GRID2: variants seen among roughly 807,000 people sequenced by gnomAD.
GRID2 encodes the protein glutamate ionotropic receptor delta type subunit 2, also known as glutamate receptor ionotropic, delta-2.
In GRID2, 33 loss-of-function variants were observed where a neutral mutation model predicts 114.8. That is an observed-to-expected ratio of 0.29 (90% CI 0.22 to 0.38). The LOEUF is 0.38. GRID2 is among the 10% of genes least tolerant of loss of function. The probability of loss-of-function intolerance (pLI) is 1.00; values close to 1 mark genes in which losing one functional copy is unlikely to be tolerated. For missense variants in GRID2, 1,184 were observed against 1,257.7 expected, an observed-to-expected ratio of 0.94 and a Z score of 0.89; for synonymous variants, 505 against 449.9, an observed-to-expected ratio of 1.12 and a Z score of -1.55.
intron 14 of GRID2, among the ~76,000 whole-genome samples, chr4:93,658,638 A>C (rs1020184363): frequency 2.6e-5 from 4 of 152,084 alleles, no homozygotes; most frequent in Non-Finnish European, 4.4e-5. Flanking sequence ...CTCTACTATT[A>C]CCAGTCTCAA....
chr4:93,163,471 C>G (rs1425258734), intron 4 of GRID2, among the ~76,000 whole-genome samples: 1 of 144,160 alleles, frequency 6.9e-6, no homozygotes, highest in African/African-American at 2.6e-5. Flanking sequence ...GCCATCTTGC[C>G]CAGGCTGGTC....
At chr4:93,774,623 C>T (rs1213424752), downstream of GRID2, 1 of 152,150 alleles carries the variant, frequency 6.6e-6, no homozygotes, top group African/African-American at 2.4e-5. Flanking sequence ...ACAGATTGAA[C>T]TAAATTTTTC....
chr4:92,309,415 A>G (rs1725583575), intron 1 of GRID2, among the ~76,000 whole-genome samples: 1 of 151,994 alleles, frequency 6.6e-6, no homozygotes. Context: ...ATTGGTGAGT[A>G]GCAATACTTA....
At chr4:92,378,004 T>A (rs561249713) in intron 1 of GRID2, among the ~76,000 whole-genome samples, 140 of 152,186 alleles carry the variant, frequency 9.2e-4, no homozygotes, top group African/African-American at 3.2e-3. Context: ...ATTAGTTTTT[T>A]TACTTAGATA....
intron 4 of GRID2, among the ~76,000 whole-genome samples, chr4:93,193,460 G>A (rs1321430528): frequency 1.3e-5 from 2 of 152,078 alleles, no homozygotes; most frequent in East Asian, 1.9e-4. Context: ...TTTTATAGGG[G>A]CTTTTGCCCC....
At chr4:92,841,057 T>C (rs1011263585) in intron 2 of GRID2, among the ~76,000 whole-genome samples, 4 of 152,020 alleles carry the variant, frequency 2.6e-5, no homozygotes, top group Non-Finnish European at 5.9e-5. Flanking sequence ...ATTTAGGATA[T>C]GGATGGTTTA....
At chr4:92,609,637 A>G (rs1729627936) in intron 2 of GRID2, among the ~76,000 whole-genome samples, 1 of 149,672 alleles carries the variant, frequency 6.7e-6, no homozygotes, top group African/African-American at 2.4e-5. Flanking sequence ...ATATATATAT[A>G]ATAATAGTAG....
intron 14 of GRID2, among the ~76,000 whole-genome samples, chr4:93,672,282 C>T (rs1166080870): frequency 6.6e-6 from 1 of 152,198 alleles, no homozygotes; most frequent in African/African-American, 2.4e-5. Context: ...GGGGAACCCC[C>T]CCACCACAGA....
At chr4:93,350,633 A>G (rs557243054) in intron 8 of GRID2, among the ~76,000 whole-genome samples, 3 of 152,088 alleles carry the variant, frequency 2.0e-5, no homozygotes, top group South Asian at 4.1e-4. Context: ...TAACACATAC[A>G]TACTAGTTGC....
chr4:92,499,515 A>C (rs1723563662), intron 1 of GRID2, among the ~76,000 whole-genome samples: 1 of 152,226 alleles, frequency 6.6e-6, no homozygotes, highest in South Asian at 2.1e-4. Flanking sequence ...TAGAATTATT[A>C]TTCAGCAGAA....
chr4:93,163,374 A>ATATATATATACAC (rs1553999442), intron 4 of GRID2, among the ~76,000 whole-genome samples: 1 of 47,462 alleles, frequency 2.1e-5, no homozygotes, highest in African/African-American at 1.0e-4. Context: ...ATATATATAT[A>ATATATATATACAC]TATATATATA....
chr4:93,181,375 T>C (rs1403152069), intron 4 of GRID2, among the ~76,000 whole-genome samples: 1 of 152,118 alleles, frequency 6.6e-6, no homozygotes, highest in Non-Finnish European at 1.5e-5. Context: ...AGAGTGCAGG[T>C]AGAATACATT....
At chr4:93,498,994 TTG>T (rs1299904381) in intron 12 of GRID2, among the ~76,000 whole-genome samples, 2 of 151,930 alleles carry the variant, frequency 1.3e-5, no homozygotes, top group Non-Finnish European at 2.9e-5. Flanking sequence ...TGAATAGGTG[TTG>T]GATTTTGACA....
chr4:92,658,791 G>A (rs62309216), intron 2 of GRID2, among the ~76,000 whole-genome samples: 3 of 111,144 alleles, frequency 2.7e-5, no homozygotes, highest in African/African-American at 6.1e-5. Flanking sequence ...GTGTGTGTGT[G>A]TGTATATATA....
At chr4:92,942,794 G>C (rs1259500633) in intron 2 of GRID2, among the ~76,000 whole-genome samples, 2 of 152,136 alleles carry the variant, frequency 1.3e-5, no homozygotes, top group Non-Finnish European at 2.9e-5. Flanking sequence ...GCATTTGCTT[G>C]TCTGTAAAGG....
intron 1 of GRID2, among the ~76,000 whole-genome samples, chr4:93,791,121 TAGAG>T (rs1365641256): frequency 6.6e-6 from 1 of 152,206 alleles, no homozygotes; most frequent in African/African-American, 2.4e-5. Context: ...AGATCTTTCT[TAGAG>T]AGATGTACAA....
At chr4:93,468,057 AATAATAT>A (rs1226570085) in intron 11 of GRID2, among the ~76,000 whole-genome samples, 1 of 152,186 alleles carries the variant, frequency 6.6e-6, no homozygotes, top group Non-Finnish European at 1.5e-5. Context: ...TAGACATCTT[AATAATAT>A]ATAAGAGCCC....
At chr4:93,042,592 C>G in intron 2 of GRID2, among the ~76,000 whole-genome samples, 2 of 134,760 alleles carry the variant, frequency 1.5e-5, no homozygotes, top group South Asian at 4.9e-4. Flanking sequence ...CTATCTTATG[C>G]AAACATGATG....
chr4:92,871,776 C>G (rs574516423), intron 2 of GRID2, among the ~76,000 whole-genome samples: 5 of 152,232 alleles, frequency 3.3e-5, no homozygotes, highest in South Asian at 2.1e-4. Flanking sequence ...GTACAAAAGT[C>G]TTCTTGGCTC....
Sources: allele counts gnomAD v4.1 joint callset (sites outside exome capture counted in the v4.1 genomes callset), GRCh38; gene constraint gnomAD v4.1.1; transcripts MANE v1.5; gene names NCBI Gene and HGNC (gene_info 2026-07-23, HGNC 2026-07-21).